GNG7: variants seen among roughly 807,000 people sequenced by gnomAD.
The protein encoded by GNG7 is G protein subunit gamma 7.
In GNG7, 1 loss-of-function variant was observed where a neutral mutation model predicts 4.0. The observed-to-expected ratio is 0.25, with a 90% confidence interval of 0.09 to 1.18. The LOEUF is 1.18. Among genes scored for constraint, GNG7 ranks in the 50% most tolerant of loss-of-function variants. The probability of loss-of-function intolerance (pLI) is 0.50; values close to 1 mark genes in which losing one functional copy is unlikely to be tolerated. For missense variants in GNG7, 86 were observed against 91.9 expected, an observed-to-expected ratio of 0.94 and a Z score of 0.26; for synonymous variants, 34 against 36.9, an observed-to-expected ratio of 0.92 and a Z score of 0.29.
intron 1 of GNG7, among the ~76,000 whole-genome samples, chr19:2,676,315 G>A (rs1447737938): frequency 6.6e-6 from 1 of 152,108 alleles, no homozygotes; most frequent in Non-Finnish European, 1.5e-5. Context: ...TCACCCCACA[G>A]AGACCCTCCC....
intron 3 of GNG7, among the ~76,000 whole-genome samples, chr19:2,521,022 G>C (rs548281041): frequency 2.0e-5 from 3 of 152,148 alleles, no homozygotes; most frequent in African/African-American, 7.2e-5. Context: ...TTGGGAGGCT[G>C]AGGCAGGTGG....
chr19:2,671,633 GACAACACCT>G (rs1983455490), intron 1 of GNG7, among the ~76,000 whole-genome samples: 1 of 152,050 alleles, frequency 6.6e-6, no homozygotes, highest in Non-Finnish European at 1.5e-5. Context: ...GCCCCAGAGA[GACAACACCT>G]GGCCCATTCA....
chr19:2,686,218 T>C (rs1204624503), intron 1 of GNG7, among the ~76,000 whole-genome samples: 1 of 151,180 alleles, frequency 6.6e-6, no homozygotes, highest in Non-Finnish European at 1.5e-5. Context: ...AGTGCAGTGG[T>C]GCGATCTCAG....
At chr19:2,608,668 G>A (rs1297857444) in intron 2 of GNG7, among the ~76,000 whole-genome samples, 1 of 152,218 alleles carries the variant, frequency 6.6e-6, no homozygotes, top group Non-Finnish European at 1.5e-5. Context: ...CTCTGCAGCA[G>A]GGGATGCAGA....
Position 2,538,686 on chromosome 19 carries a change from T to C in GNG7, c.-38+16463A>G, listed in dbSNP as rs977544183. On this transcript the variant is annotated intron_variant, in intron 3 of 4. Transcript: ENST00000382159. ...ATTTTACTTACAAGGTTCACTACTC[T>C]AACAGCTCCACTGAGATTCCTGAAT... 56 of 461,712 alleles carry C rather than the reference T, an allele frequency of 1.2e-4. No individual in the cohort carries two copies. In the Admixed American group the frequency reaches 1.3e-3, roughly 11 times the overall value. 28.6% of individuals were successfully genotyped at this position (461,712 alleles called of 1,614,324 possible). A position where few individuals can be genotyped will look rare whatever the true frequency, so the allele number is the denominator to read the frequency against.
chr19:2,671,609 G>T (rs1983454282), intron 1 of GNG7, among the ~76,000 whole-genome samples: 1 of 151,940 alleles, frequency 6.6e-6, no homozygotes, highest in Admixed American at 6.6e-5. Flanking sequence ...GGAAGGTGAC[G>T]GGTAGCATGC....
At chr19:2,589,789 G>A (rs779204689) in intron 2 of GNG7, among the ~76,000 whole-genome samples, 10 of 152,120 alleles carry the variant, frequency 6.6e-5, no homozygotes, top group Admixed American at 2.6e-4. Context: ...CCAGACAAAA[G>A]GCCACACAGT....
intron 2 of GNG7, among the ~76,000 whole-genome samples, chr19:2,569,493 T>C (rs1209257371): frequency 6.6e-6 from 1 of 152,146 alleles, no homozygotes; most frequent in Non-Finnish European, 1.5e-5. Context: ...GCCAGGATGG[T>C]CTCGATCTCC....
chr19:2,518,939 G>A (rs1978294642), intron 4 of GNG7, among the ~76,000 whole-genome samples: 1 of 151,788 alleles, frequency 6.6e-6, no homozygotes, highest in South Asian at 2.1e-4. Context: ...GGGACTATAG[G>A]AGCCTGCCAC....
rs528941622 is a variant in GNG7 at position 2,674,460 on chromosome 19, G to A, written c.-134-28180C>T. Among the ~76,000 whole-genome samples the A allele has an allele frequency of 2.0e-5, 3 of 152,036 alleles. No homozygotes were observed. In the South Asian group the frequency reaches 6.2e-4, roughly 31 times the overall value. ...TTTTGTTTTGTTTTTTTTTGAGACA[G>A]AGTCTTGTTCCGTTGCCTAGGCTGG... On this transcript the variant is annotated intron_variant, in intron 1 of 4. Coordinates refer to ENST00000382159, the MANE Select transcript of GNG7 (RefSeq NM_052847.3).
At chr19:2,629,888 A>G (rs1386009282) in intron 2 of GNG7, among the ~76,000 whole-genome samples, 1 of 152,086 alleles carries the variant, frequency 6.6e-6, no homozygotes, top group African/African-American at 2.4e-5. Flanking sequence ...GCCAGGGTCC[A>G]TTTCCTGGTT....
At chr19:2,645,130 G>T (rs146836962) in intron 2 of GNG7, among the ~76,000 whole-genome samples, 1 of 152,290 alleles carries the variant, frequency 6.6e-6, no homozygotes, top group East Asian at 1.9e-4. Flanking sequence ...ACTTTGGGAA[G>T]TCAAAGCAGG....
At chr19:2,603,739 T>C (rs891505634) in intron 2 of GNG7, among the ~76,000 whole-genome samples, 1 of 152,200 alleles carries the variant, frequency 6.6e-6, no homozygotes, top group Admixed American at 6.5e-5. Flanking sequence ...TCCCAGTTTT[T>C]CCTAGCGTGT....
chr19:2,528,045 G>C (rs1176346255), intron 3 of GNG7, among the ~76,000 whole-genome samples: 2 of 151,152 alleles, frequency 1.3e-5, no homozygotes, highest in Non-Finnish European at 3.0e-5. Flanking sequence ...AGGCGGGTGG[G>C]TCATTTGAGG....
At chr19:2,584,233 A>C (rs1980579027) in intron 2 of GNG7, among the ~76,000 whole-genome samples, 1 of 149,126 alleles carries the variant, frequency 6.7e-6, no homozygotes, top group Non-Finnish European at 1.5e-5. Context: ...GTTTAAGGTC[A>C]GGAGCTCAAG....
At chr19:2,612,206 T>C (rs768443361) in intron 2 of GNG7, among the ~76,000 whole-genome samples, 2 of 152,104 alleles carry the variant, frequency 1.3e-5, no homozygotes, top group Non-Finnish European at 2.9e-5. Flanking sequence ...TTGGATTGAC[T>C]TTGGTCTACG....
At chr19:2,543,129 G>C (rs1015363331) in intron 3 of GNG7, among the ~76,000 whole-genome samples, 1 of 151,728 alleles carries the variant, frequency 6.6e-6, no homozygotes, top group Non-Finnish European at 1.5e-5. Context: ...ATGTTGGCCA[G>C]GCTGGTCTCA....
At chr19:2,654,247 C>A (rs1982904099) in intron 1 of GNG7, among the ~76,000 whole-genome samples, 1 of 152,146 alleles carries the variant, frequency 6.6e-6, no homozygotes, top group Non-Finnish European at 1.5e-5. Flanking sequence ...CCCTCCCCTC[C>A]CGCTTCATGA....
intron 3 of GNG7, among the ~76,000 whole-genome samples, chr19:2,529,102 C>T (rs1033250548): frequency 6.6e-6 from 1 of 152,202 alleles, no homozygotes; most frequent in Non-Finnish European, 1.5e-5. Flanking sequence ...CCTGGAGAGA[C>T]CTGGGCAGAG....
Sources: gnomAD v4.1 joint callset for allele counts (sites outside exome capture counted in the v4.1 genomes callset) on GRCh38, gnomAD v4.1.1 for gene constraint, MANE v1.5 for transcripts, NCBI Gene and HGNC (gene_info 2026-07-23, HGNC 2026-07-21) for gene names.